TMED3: variants seen among roughly 807,000 people sequenced by gnomAD.
TMED3 encodes transmembrane emp24 domain-containing protein 3.
TMED3 carries 9 observed loss-of-function variants against 15.0 expected under a neutral mutation model. The observed-to-expected ratio is 0.60, with a 90% CI of 0.36 to 1.04. TMED3 has a LOEUF of 1.04. Ranked by LOEUF, TMED3 falls within the 50% of genes least tolerant of loss-of-function variation. The pLI is 0.01. For synonymous variants in TMED3, 117 were observed against 121.4 expected, an observed-to-expected ratio of 0.96 and a Z score of 0.24; for missense variants, 267 against 278.9, an observed-to-expected ratio of 0.96 and a Z score of 0.30.
rs1194804005 is a variant in TMED3, at chr15:79,411,683, C to T, written c.*179C>T. On this transcript the variant is annotated 3_prime_UTR_variant, in exon 3 of 3. Coordinates refer to the TMED3 transcript ENST00000424155. Reference sequence around the variant, plus strand: ...GGAACAACCTGCTCTCACCACAGGCCTCTGGAATCCCGGCAGGAGGAGACT... The same window carrying T: ...GGAACAACCTGCTCTCACCACAGGCTTCTGGAATCCCGGCAGGAGGAGACT... 4.7e-5 allele frequency: 26 copies of T among 557,022 alleles called. No individual in the cohort carries two copies. The Admixed American group carries it at 7.8e-4, about 17-fold the overall frequency. The allele number at this position is 557,022 out of a possible 1,614,324, so 34.5% of individuals were successfully genotyped here. A position where few individuals can be genotyped will look rare whatever the true frequency, so the allele number is the denominator to read the frequency against.
intron 2 of TMED3, among the ~76,000 whole-genome samples, chr15:79,356,370 C>T (rs1391244832): frequency 6.6e-6 from 1 of 152,110 alleles, no homozygotes; most frequent in Non-Finnish European, 1.5e-5. Context: ...AATGTTGGCA[C>T]ATAAAAGGTG....
chr15:79,376,092 GTTTTTTTTT>G (rs199728545), intron 2 of TMED3, among the ~76,000 whole-genome samples: 6 of 112,058 alleles, frequency 5.4e-5, no homozygotes, highest in South Asian at 2.9e-4. Flanking sequence ...CTAGAGAAAG[GTTTTTTTTT>G]TTTTTTTTTT....
At chr15:79,345,768 C>G (rs1415451965) in intron 2 of TMED3, among the ~76,000 whole-genome samples, 1 of 152,122 alleles carries the variant, frequency 6.6e-6, no homozygotes, top group East Asian at 1.9e-4. Flanking sequence ...ATTCCCACCA[C>G]CAGTGTATAA....
At chr15:79,326,049 A>G (rs1343084281), downstream of TMED3, among the ~76,000 whole-genome samples, 1 of 152,172 alleles carries the variant, frequency 6.6e-6, no homozygotes, top group Non-Finnish European at 1.5e-5. Flanking sequence ...GCATCTTTCA[A>G]TCCAATCAAG....
rs1049378642 is a variant in TMED3, at chr15:79,322,413, C to G, written c.*199C>G. The G allele has an allele frequency of 4.2e-6, 6 of 1,420,976 alleles. No individual in the cohort carries two copies. The highest frequency in any genetic ancestry group is 5.5e-6 in the Non-Finnish European group (6 of 1,091,280). The allele number at this position is 1,420,976 out of a possible 1,614,324, so 88.0% of individuals were successfully genotyped here. A position where few individuals can be genotyped will look rare whatever the true frequency, so the allele number is the denominator to read the frequency against. On this transcript the variant is annotated 3_prime_UTR_variant, in exon 3 of 3. Coordinates refer to ENST00000299705, the MANE Select transcript of TMED3 (RefSeq NM_007364.4). The stretch of plus-strand genomic sequence containing the variant: ...CAGAGACCAGTAATCAGAAGGCATC[C>G]GACTGCATTAAGTGTGCAGCGCTGA...
downstream of TMED3, among the ~76,000 whole-genome samples, chr15:79,326,845 G>A (rs768778474): frequency 4.7e-4 from 71 of 152,170 alleles, no homozygotes; most frequent in Non-Finnish European, 9.3e-4. Flanking sequence ...TTGCGATAAA[G>A]GAATACCCAA....
intron 2 of TMED3, among the ~76,000 whole-genome samples, chr15:79,329,089 T>G (rs1206543504): frequency 6.6e-6 from 1 of 152,196 alleles, no homozygotes; most frequent in African/African-American, 2.4e-5. Context: ...CCAAAGTGGT[T>G]GTTTCTGAGA....
chr15:79,400,770 G>A (rs1048453139), intron 2 of TMED3, among the ~76,000 whole-genome samples: 3 of 152,146 alleles, frequency 2.0e-5, no homozygotes, highest in African/African-American at 7.2e-5. Flanking sequence ...TCTGAAAAAT[G>A]AGGGGGTTGG....
chr15:79,365,232 C>A lies in TMED3; in HGVS notation c.418-46168C>A, dbSNP rs75402584. 5.5e-3 allele frequency among the ~76,000 whole-genome samples: 845 copies of A among 152,302 alleles called. 6 individuals carry two copies. Among genetic ancestry groups the A allele is most frequent in the African/African-American group, 0.02 (811 of 41,552 alleles). On this transcript the variant is annotated intron_variant, in intron 2 of 2. Transcript: ENST00000424155. ...GACAGGACAGCTCAAAGCAGGGGCC[C>A]ACAGGTCATAGGTGAATTCAGAGAT... is the stretch of plus-strand genomic sequence containing the variant.
chr15:79,371,024 C>G (rs1328695339), intron 2 of TMED3, among the ~76,000 whole-genome samples: 3 of 152,210 alleles, frequency 2.0e-5, no homozygotes, highest in Non-Finnish European at 2.9e-5. Context: ...ACTAATCTGA[C>G]AGTGATCAAA....
intron 2 of TMED3, chr15:79,315,783 C>T (rs2058737930): frequency 6.6e-6 from 1 of 152,218 alleles, no homozygotes; most frequent in Non-Finnish European, 1.5e-5. Context: ...TTTGAGAGTA[C>T]TTGCTTTTAT....
At chr15:79,326,839 G>C (rs1053869071), downstream of TMED3, among the ~76,000 whole-genome samples, 1 of 152,100 alleles carries the variant, frequency 6.6e-6, no homozygotes, top group East Asian at 1.9e-4. Flanking sequence ...TTAGTGTTGC[G>C]ATAAAGGAAT....
In TMED3 at chr15:79,322,203, G is replaced by A; in HGVS notation, c.643G>A (p.Val215Ile). Residue 215 changes from valine (V) to isoleucine (I), a missense_variant, in exon 3 of 3, where the codon GTC (valine) becomes ATC (isoleucine). Around this residue, in one of 3 missense-constraint regions of TMED3, gnomAD observed 139 missense variants for 125.0 expected, o/e 1.11. Coordinates refer to ENST00000299705, the MANE Select transcript of TMED3 (RefSeq NM_007364.4). The stretch of plus-strand genomic sequence containing the variant: ...AGAAAAACGACCCATCAGCAGGGCA[G>A]TCCACTCCTAGCCCCGGCATCCTGC... The part of the protein sequence containing the change: ...FTEKRPISRA[V>I]HS 1 of 1,613,406 alleles carries A rather than the reference G, an allele frequency of 6.2e-7. No individual in the cohort carries two copies. The highest frequency in any genetic ancestry group is 8.5e-7 in the Non-Finnish European group (1 of 1,179,584).
At chr15:79,404,054 G>A (rs1159117829) in intron 2 of TMED3, among the ~76,000 whole-genome samples, 2 of 152,142 alleles carry the variant, frequency 1.3e-5, no homozygotes, top group Non-Finnish European at 2.9e-5. Context: ...TGTGGTATAT[G>A]GTAGTTACAT....
intron 2 of TMED3, among the ~76,000 whole-genome samples, chr15:79,349,822 T>C (rs547278204): frequency 6.6e-6 from 1 of 152,306 alleles, no homozygotes; most frequent in Non-Finnish European, 1.5e-5. Context: ...ATCTGATTTT[T>C]CAGTGGCTCC....
downstream of TMED3, among the ~76,000 whole-genome samples, chr15:79,325,656 C>CA (rs2058784587): frequency 6.6e-6 from 1 of 152,088 alleles, no homozygotes; most frequent in Non-Finnish European, 1.5e-5. Flanking sequence ...GCAAGGAAGC[C>CA]AGTAGAGGCT....
At chr15:79,353,184 AAT>A (rs369291703) in intron 2 of TMED3, among the ~76,000 whole-genome samples, 1,864 of 65,478 alleles carry the variant, frequency 0.028, 111 homozygotes, top group African/African-American at 0.047. Context: ...TAATATATAA[AAT>A]ATATATAATA....
In TMED3 at chr15:79,311,454, C is replaced by A. The variant is rs753582484; in HGVS notation, c.168+37C>A. Reference sequence around the variant, plus strand: ...CGCCCGGCAGCGCTCCCTTCTCCCTCCACTCCCAGGTCTCACCTGGACACT... The same window carrying A: ...CGCCCGGCAGCGCTCCCTTCTCCCTACACTCCCAGGTCTCACCTGGACACT... On this transcript the variant is annotated intron_variant, in intron 1 of 2. Transcript: ENST00000299705. 3 of 1,580,964 alleles carry A rather than the reference C, an allele frequency of 1.9e-6. No homozygotes were observed. The South Asian group carries it at 3.5e-5, about 18-fold the overall frequency.
intron 2 of TMED3, among the ~76,000 whole-genome samples, chr15:79,349,587 G>A: frequency 6.6e-6 from 1 of 152,068 alleles, no homozygotes; most frequent in East Asian, 1.9e-4. Flanking sequence ...TGCCATAACT[G>A]CAACCCTCCC....
Sources: gnomAD v4.1 joint callset for allele counts (sites outside exome capture counted in the v4.1 genomes callset) on GRCh38, gnomAD v4.1.1 for gene constraint, gnomAD v4.1.1 regional missense constraint, MANE v1.5 for transcripts, NCBI Gene and HGNC (gene_info 2026-07-23, HGNC 2026-07-21) for gene names.